RNF111: variants seen among roughly 807,000 people sequenced by gnomAD.
RNF111 encodes the protein E3 ubiquitin-protein ligase Arkadia.
Under a neutral mutation model 95.1 loss-of-function variants are expected in RNF111, and 17 were observed. The ratio of observed to expected loss-of-function variants is 0.18; its 90% CI spans 0.12 to 0.27. The LOEUF (loss-of-function observed/expected upper bound fraction) is 0.27, where lower values mean the gene tolerates loss of function less well. RNF111 is among the 10% of genes least tolerant of loss of function. The pLI is 1.00. For synonymous variants in RNF111, 440 were observed against 414.8 expected (o/e 1.06, Z -0.74); for missense variants, 1,189 against 1,210.4 (o/e 0.98, Z 0.26).
Position 59,030,904 on chromosome 15 carries a change from A to T in RNF111, c.82A>T (p.Lys28Ter). Reference protein sequence around the residue: ...MKSEIPSDAPKTQESLKGILL... With the variant: ...MKSEIPSDAP ...GAGTGAGATTCCTTCTGATGCACCA[A>T]AGACACAGGAGAGTCTGAAAGGGAT... The change falls in exon 2 of 14, where the codon AAG becomes TAG. Residue 28 changes from lysine to a stop codon, truncating the protein, a stop_gained. Transcript: ENST00000348370. LOFTEE classifies it high-confidence loss of function. 6.2e-7 allele frequency: 1 copy of T among 1,614,220 alleles called. No homozygotes were observed. Among genetic ancestry groups the T allele is most frequent in the Non-Finnish European group, 8.5e-7 (1 of 1,180,034 alleles).
intron 2 of RNF111, among the ~76,000 whole-genome samples, chr15:59,051,719 C>T (rs1236344822): frequency 1.3e-5 from 2 of 151,730 alleles, no homozygotes; most frequent in African/African-American, 4.8e-5. Flanking sequence ...TTGCAGTAAG[C>T]CGAGATCATC....
chr15:59,085,530 A>T, intron 9 of RNF111, 129 bp from the exon 10 acceptor site: 1 of 790,036 alleles, frequency 1.3e-6, no homozygotes. Context: ...TTTGGGCTAA[A>T]TTATCTTTCC....
chr15:59,013,174 C>A (rs1324826598), intron 1 of RNF111, among the ~76,000 whole-genome samples: 1 of 152,116 alleles, frequency 6.6e-6, no homozygotes, highest in Non-Finnish European at 1.5e-5. Flanking sequence ...GTAAATAATA[C>A]CCTTGTTTTT....
At chr15:59,090,047 TGTG>T (rs1266755323) in intron 11 of RNF111, among the ~76,000 whole-genome samples, 1 of 152,172 alleles carries the variant, frequency 6.6e-6, no homozygotes, top group Non-Finnish European at 1.5e-5. Flanking sequence ...TACCATTAAA[TGTG>T]GTGGGGAACG....
At chr15:59,091,962 C>T (rs543601821) in intron 12 of RNF111, among the ~76,000 whole-genome samples, 2 of 152,316 alleles carry the variant, frequency 1.3e-5, no homozygotes, top group East Asian at 3.9e-4. Flanking sequence ...CAGTGATGCT[C>T]GCTCACCTGC....
intron 2 of RNF111, among the ~76,000 whole-genome samples, chr15:59,042,942 AT>A (rs2041535820): frequency 1.3e-5 from 2 of 152,036 alleles, no homozygotes. Flanking sequence ...TTTTATTGGG[AT>A]TCCATTTGTA....
intron 1 of RNF111, among the ~76,000 whole-genome samples, chr15:58,995,699 C>T (rs1472241931): frequency 2.0e-5 from 3 of 149,964 alleles, no homozygotes; most frequent in South Asian, 2.1e-4. Context: ...CTTGTGACCT[C>T]GTGATCCACC....
intron 4 of RNF111, among the ~76,000 whole-genome samples, chr15:59,058,114 C>G (rs574232278): frequency 3.5e-4 from 54 of 152,198 alleles, no homozygotes; most frequent in African/African-American, 1.2e-3. Flanking sequence ...GTTAAATCAC[C>G]TAAATTATTG....
chr15:59,095,046 G>T lies in RNF111; in HGVS notation c.*146G>T. The T allele has an allele frequency of 1.5e-6, 1 of 686,112 alleles. No individual in the cohort carries two copies. Among genetic ancestry groups the T allele is most frequent in the African/African-American group, 1.9e-5 (1 of 53,956 alleles). 42.5% of individuals were successfully genotyped at this position (686,112 alleles called of 1,614,324 possible). On this transcript the variant is annotated 3_prime_UTR_variant, in exon 14 of 14. Coordinates refer to ENST00000348370, the MANE Select transcript of RNF111 (RefSeq NM_017610.8). ...CTGCTATATGGTACAACTAATGCTA[G>T]ACCTACAGTTTATGTATACAGTTGA... is the stretch of plus-strand genomic sequence containing the variant.
In RNF111 at chr15:59,007,710, G is replaced by A. The variant is rs76032918; in HGVS notation, c.-20+19642G>A. Among the ~76,000 whole-genome samples, 77 of 152,238 alleles carry A rather than the reference G, an allele frequency of 5.1e-4. 2 individuals carry two copies. The East Asian group carries it at 0.014, about 29-fold the overall frequency. ...CTTTTTAGTTTTAGTCTTATTGGGT[G>A]TGTAATGGTATATTACTATAGTTTT... On this transcript the variant is annotated intron_variant, in intron 1 of 13. Transcript: ENST00000348370.
chr15:59,052,178 C>T, intron 2 of RNF111, 127 bp from the exon 3 acceptor site: 1 of 837,660 alleles, frequency 1.2e-6, no homozygotes, highest in Non-Finnish European at 1.8e-6. Context: ...TTTAAAAAAC[C>T]TTTTTGACAG....
chr15:58,991,580 G>A (rs1478448871), intron 1 of RNF111, among the ~76,000 whole-genome samples: 1 of 152,054 alleles, frequency 6.6e-6, no homozygotes, highest in Non-Finnish European at 1.5e-5. Context: ...GGTTAGGGAG[G>A]GCCTTTTTAG....
chr15:59,029,465 A>G (rs1282914814), intron 1 of RNF111, among the ~76,000 whole-genome samples: 1 of 152,250 alleles, frequency 6.6e-6, no homozygotes, highest in Admixed American at 6.5e-5. Flanking sequence ...GTGCTTGTGA[A>G]TAAGAATAAA....
At chr15:59,082,546 T>G (rs1203939039) in intron 8 of RNF111, among the ~76,000 whole-genome samples, 1 of 152,222 alleles carries the variant, frequency 6.6e-6, no homozygotes, top group Non-Finnish European at 1.5e-5. Flanking sequence ...AGCAAACTAT[T>G]GGTCTAATTC....
At chr15:59,056,209 T>A (rs1268698022) in intron 4 of RNF111, among the ~76,000 whole-genome samples, 2 of 152,214 alleles carry the variant, frequency 1.3e-5, no homozygotes, top group Admixed American at 1.3e-4. Context: ...TAACTGAATT[T>A]TGAATGACTA....
chr15:59,015,206 A>C (rs1430000482), intron 1 of RNF111, among the ~76,000 whole-genome samples: 1 of 152,246 alleles, frequency 6.6e-6, no homozygotes, highest in African/African-American at 2.4e-5. Context: ...ATAAAGAATA[A>C]AAATAAAATA....
chr15:59,049,709 CT>C, intron 2 of RNF111: 1 of 152,904 alleles, frequency 6.5e-6, no homozygotes. Context: ...GTGGGCATTC[CT>C]TTTTGAACAG....
At chr15:59,027,925 A>G (rs1567223975) in intron 1 of RNF111, among the ~76,000 whole-genome samples, 1 of 150,326 alleles carries the variant, frequency 6.7e-6, no homozygotes, top group Non-Finnish European at 1.5e-5. Flanking sequence ...TCCCTGGTTC[A>G]AGCAATTCTC....
At chr15:59,017,225 T>A (rs2040111612) in intron 1 of RNF111, among the ~76,000 whole-genome samples, 1 of 150,270 alleles carries the variant, frequency 6.7e-6, no homozygotes, top group African/African-American at 2.4e-5. Flanking sequence ...AAACCGCTGC[T>A]GTGTAGGCCA....
Sources: gnomAD v4.1 joint callset for allele counts (sites outside exome capture counted in the v4.1 genomes callset) on GRCh38, gnomAD v4.1.1 for gene constraint, MANE v1.5 for transcripts, NCBI Gene and HGNC (gene_info 2026-07-23, HGNC 2026-07-21) for gene names.